SLIT2: variants seen among roughly 807,000 people sequenced by gnomAD.
SLIT2 encodes the protein slit guidance ligand 2.
In SLIT2, 41 loss-of-function variants were observed where a neutral mutation model predicts 185.7. The ratio of observed to expected loss-of-function variants is 0.22; its 90% CI spans 0.17 to 0.29. SLIT2 has a LOEUF of 0.29. Among genes scored for constraint, SLIT2 ranks in the 10% least tolerant of loss-of-function variants. The pLI is 1.00. For synonymous variants in SLIT2, 693 were observed against 680.2 expected, an observed-to-expected ratio of 1.02 and a Z score of -0.29; for missense variants, 1,571 against 1,909.0, an observed-to-expected ratio of 0.82 and a Z score of 3.30.
intron 28 of SLIT2, 130 bp downstream of exon 28, chr4:20,567,745 T>C: frequency 1.4e-6 from 1 of 692,566 alleles, no homozygotes; most frequent in Admixed American, 2.4e-5. Flanking sequence ...GCAATATGTA[T>C]TGGTCCCTCT....
At chr4:20,298,940 T>C (rs1316536492) in intron 4 of SLIT2, among the ~76,000 whole-genome samples, 1 of 152,212 alleles carries the variant, frequency 6.6e-6, no homozygotes, top group African/African-American at 2.4e-5. Context: ...GGGATTGTAA[T>C]TTATTGCATT....
At chr4:20,335,925 C>CG (rs1720462097) in intron 4 of SLIT2, among the ~76,000 whole-genome samples, 1 of 35,494 alleles carries the variant, frequency 2.8e-5, no homozygotes, top group Non-Finnish European at 5.9e-5. Context: ...AATTTTATAA[C>CG]AATGTGCTGC....
chr4:20,503,616 T>C (rs1338556051), intron 9 of SLIT2, among the ~76,000 whole-genome samples: 1 of 152,142 alleles, frequency 6.6e-6, no homozygotes, highest in Non-Finnish European at 1.5e-5. Context: ...TGTATCTTTG[T>C]ATTTGAATAT....
chr4:20,585,096 C>G (rs1726946542), intron 29 of SLIT2, among the ~76,000 whole-genome samples: 1 of 152,024 alleles, frequency 6.6e-6, no homozygotes. Context: ...AAAACAACCT[C>G]TATGTCAAAA....
intron 5 of SLIT2, among the ~76,000 whole-genome samples, chr4:20,472,640 A>ATATATC (rs1715677421): frequency 7.2e-6 from 1 of 138,500 alleles, no homozygotes; most frequent in Non-Finnish European, 1.6e-5. Flanking sequence ...ATATATATCG[A>ATATATC]TATATATATT....
At chr4:20,601,874 T>G (rs1728436094) in intron 33 of SLIT2, among the ~76,000 whole-genome samples, 1 of 152,228 alleles carries the variant, frequency 6.6e-6, no homozygotes, top group South Asian at 2.1e-4. Flanking sequence ...TAAAATTTAC[T>G]TTGGTAAAAC....
chr4:20,400,770 C>G (rs1423232154), intron 4 of SLIT2, among the ~76,000 whole-genome samples: 1 of 151,590 alleles, frequency 6.6e-6, no homozygotes, highest in Admixed American at 6.6e-5. Context: ...ATAAAGGAAG[C>G]TAAAGAGGAA....
chr4:20,412,999 G>A (rs1249882358), intron 4 of SLIT2, among the ~76,000 whole-genome samples: 3 of 151,976 alleles, frequency 2.0e-5, no homozygotes, highest in Admixed American at 6.6e-5. Flanking sequence ...GTCAATTTCT[G>A]CAAAAGCATC....
At chr4:20,515,592 G>T (rs909432284) in intron 11 of SLIT2, among the ~76,000 whole-genome samples, 8 of 151,996 alleles carry the variant, frequency 5.3e-5, no homozygotes, top group African/African-American at 1.9e-4. Context: ...AAAATTAAAA[G>T]GTAGCACCTC....
At chr4:20,298,703 A>C (rs1716743547) in intron 4 of SLIT2, among the ~76,000 whole-genome samples, 1 of 152,230 alleles carries the variant, frequency 6.6e-6, no homozygotes, top group Non-Finnish European at 1.5e-5. Context: ...CAAGAAACAC[A>C]ATGAGGATAT....
At chr4:20,316,444 A>G (rs537147565) in intron 4 of SLIT2, among the ~76,000 whole-genome samples, 2 of 152,116 alleles carry the variant, frequency 1.3e-5, no homozygotes, top group Non-Finnish European at 2.9e-5. Flanking sequence ...GATATGCTAC[A>G]CTATAAAAAT....
chr4:20,346,746 C>A (rs563204279), intron 4 of SLIT2, among the ~76,000 whole-genome samples: 1 of 152,304 alleles, frequency 6.6e-6, no homozygotes, highest in African/African-American at 2.4e-5. Flanking sequence ...GGCCTGAGAG[C>A]CCCTGACTAT....
At chr4:20,592,890 T>C (rs1727627525) in intron 30 of SLIT2, among the ~76,000 whole-genome samples, 1 of 152,206 alleles carries the variant, frequency 6.6e-6, no homozygotes, top group African/African-American at 2.4e-5. Context: ...TGCAGTGAGC[T>C]CATTTTATTT....
intron 4 of SLIT2, among the ~76,000 whole-genome samples, chr4:20,355,232 C>T (rs1308391258): frequency 6.6e-6 from 1 of 152,094 alleles, no homozygotes; most frequent in Non-Finnish European, 1.5e-5. Flanking sequence ...AATATTAAAT[C>T]ATACTGCTTA....
chr4:20,439,079 C>A (rs1309305028), intron 4 of SLIT2, among the ~76,000 whole-genome samples: 1 of 152,182 alleles, frequency 6.6e-6, no homozygotes, highest in South Asian at 2.1e-4. Context: ...GGGCGTTGCA[C>A]ATGAAATGTA....
At chr4:20,401,334 T>C (rs530151228) in intron 4 of SLIT2, among the ~76,000 whole-genome samples, 1 of 152,040 alleles carries the variant, frequency 6.6e-6, no homozygotes, top group Non-Finnish European at 1.5e-5. Flanking sequence ...CAAGTTTTGC[T>C]AGCAAGCTAA....
chr4:20,498,113 C>CA (rs1718400307), intron 9 of SLIT2, among the ~76,000 whole-genome samples: 1 of 152,220 alleles, frequency 6.6e-6, no homozygotes, highest in East Asian at 1.9e-4. Context: ...GCGGAGGCAG[C>CA]AGTCAGCCGA....
In SLIT2 at chr4:20,619,083, T is replaced by C; in HGVS notation, c.*74T>C. 2 of 1,408,366 alleles carry C rather than the reference T, an allele frequency of 1.4e-6. No individual in the cohort carries two copies. Among genetic ancestry groups the C allele is most frequent in the South Asian group, 1.4e-5 (1 of 71,904 alleles). 87.2% of individuals were successfully genotyped at this position (1,408,366 alleles called of 1,614,324 possible). A position where few individuals can be genotyped will look rare whatever the true frequency, so the allele number is the denominator to read the frequency against. ...CCGTGTGGGACTAATGAATGCTTCA[T>C]AGTGGAAATATTTGAAATATATTGT... On this transcript the variant is annotated 3_prime_UTR_variant, in exon 37 of 37. Coordinates refer to ENST00000504154, the MANE Select transcript of SLIT2 (RefSeq NM_004787.4).
chr4:20,269,549 C>G (rs1025118464), intron 4 of SLIT2, among the ~76,000 whole-genome samples: 2 of 151,840 alleles, frequency 1.3e-5, no homozygotes, highest in African/African-American at 2.4e-5. Context: ...AGTGAAAACA[C>G]ATTTTGAAAG....
Sources: gnomAD v4.1 joint callset for allele counts (sites outside exome capture counted in the v4.1 genomes callset) on GRCh38, gnomAD v4.1.1 for gene constraint, MANE v1.5 for transcripts, NCBI Gene and HGNC (gene_info 2026-07-23, HGNC 2026-07-21) for gene names.